The following NDST4 variants were observed in gnomAD, a reference collection of about 807,000 sequenced individuals.
The protein encoded by NDST4 is N-deacetylase and N-sulfotransferase 4, also known as N-heparan sulfate sulfotransferase 4.
In NDST4, 63 loss-of-function variants were observed where a neutral mutation model predicts 100.8. The ratio of observed to expected loss-of-function variants is 0.62; its 90% CI spans 0.51 to 0.77. The LOEUF is 0.77. NDST4 is among the 30% of genes least tolerant of loss of function. The probability of loss-of-function intolerance (pLI) is 0.00; values close to 1 mark genes in which losing one functional copy is unlikely to be tolerated. For missense variants in NDST4, 943 were observed against 1,018.4 expected (o/e 0.93, Z 1.01); for synonymous variants, 377 against 361.8 (o/e 1.04, Z -0.48).
At position 115,068,535 on chromosome 4, in the gene NDST4, G is replaced by C. The variant is rs536849791; in HGVS notation, c.978+7524C>G. On this transcript the variant is annotated intron_variant, in intron 2 of 13. Transcript: ENST00000264363. The stretch of plus-strand genomic sequence containing the variant: ...CAAAGTAAATCAGTTCTGGCTGGGT[G>C]CGGTGGCTCATGCCTGTAAACCCAG... Among the ~76,000 whole-genome samples the C allele has an allele frequency of 3.9e-5, 6 of 152,026 alleles. No individual in the cohort carries two copies. The South Asian group carries it at 1.2e-3, about 32-fold the overall frequency.
At chr4:114,859,476 T>C (rs1723870999) in intron 7 of NDST4, among the ~76,000 whole-genome samples, 1 of 152,172 alleles carries the variant, frequency 6.6e-6, no homozygotes, top group African/African-American at 2.4e-5. Flanking sequence ...ACATAACAAA[T>C]GAAACTGAGC....
At chr4:115,015,414 T>A (rs1007115458) in intron 2 of NDST4, among the ~76,000 whole-genome samples, 6 of 152,102 alleles carry the variant, frequency 3.9e-5, no homozygotes, top group Non-Finnish European at 7.4e-5. Context: ...TTCAAACATT[T>A]CATCTAGTTG....
intron 1 of NDST4, among the ~76,000 whole-genome samples, chr4:115,106,520 C>A (rs1729836557): frequency 6.6e-6 from 1 of 152,024 alleles, no homozygotes; most frequent in Non-Finnish European, 1.5e-5. Context: ...ACACATCCTC[C>A]TGTATACTCT....
At chr4:115,014,122 GC>G (rs1312479182) in intron 2 of NDST4, among the ~76,000 whole-genome samples, 2 of 152,012 alleles carry the variant, frequency 1.3e-5, no homozygotes, top group Non-Finnish European at 2.9e-5. Flanking sequence ...TCTGTCAAAT[GC>G]CTTTTACTTC....
intron 2 of NDST4, among the ~76,000 whole-genome samples, chr4:115,000,667 T>C (rs1220822993): frequency 6.6e-6 from 1 of 152,150 alleles, no homozygotes; most frequent in Non-Finnish European, 1.5e-5. Flanking sequence ...CTTACCCTTC[T>C]GCAAGAATTT....
chr4:114,953,247 C>G (rs890945032), intron 4 of NDST4, among the ~76,000 whole-genome samples: 1 of 151,888 alleles, frequency 6.6e-6, no homozygotes, highest in Non-Finnish European at 1.5e-5. Context: ...AGCCTAAGAA[C>G]CTTTCTCCAT....
In NDST4 at chr4:115,020,717, G is replaced by GA. The variant is rs531788588; in HGVS notation, c.979-43444dup. Reference sequence around the variant, plus strand: ...ACAATGAAGTCAAACAAATTAGCAAGAAAAAAACAAAAAATCCCTTAAAAA... The same window carrying GA: ...ACAATGAAGTCAAACAAATTAGCAAGAAAAAAAACAAAAAATCCCTTAAAAA... On this transcript the variant is annotated intron_variant, in intron 2 of 13. Transcript: ENST00000264363. 2.2e-3 allele frequency among the ~76,000 whole-genome samples: 339 copies of GA among 150,922 alleles called. 5 individuals are homozygous for GA. The highest frequency in any genetic ancestry group is 2.1e-4 in the Non-Finnish European group (14 of 67,804).
At chr4:114,952,453 C>T (rs1169753881) in intron 4 of NDST4, among the ~76,000 whole-genome samples, 1 of 152,060 alleles carries the variant, frequency 6.6e-6, no homozygotes, top group Non-Finnish European at 1.5e-5. Flanking sequence ...TAGAGATTTT[C>T]TGTCTAAGGA....
intron 2 of NDST4, among the ~76,000 whole-genome samples, chr4:115,064,024 G>C (rs1351407743): frequency 6.6e-6 from 1 of 151,890 alleles, no homozygotes; most frequent in East Asian, 1.9e-4. Context: ...CTTAACGTTA[G>C]TATTAGATCC....
chr4:115,036,938 G>T (rs924845271), intron 2 of NDST4, among the ~76,000 whole-genome samples: 1 of 151,918 alleles, frequency 6.6e-6, no homozygotes, highest in Non-Finnish European at 1.5e-5. Context: ...GCACAAGTTA[G>T]TTAAAATATT....
Position 115,076,400 on chromosome 4 carries a change from C to T in NDST4, c.637G>A (p.Gly213Ser), listed in dbSNP as rs1435209123. 1.2e-6 allele frequency: 2 copies of T among 1,613,810 alleles called. No individual in the cohort carries two copies. Among genetic ancestry groups the T allele is most frequent in the Non-Finnish European group, 1.7e-6 (2 of 1,179,970 alleles). ...HITKAPKVEK[G>S]PLPGEDWTIF... is the part of the protein sequence containing the mutation. ...GTCCAGTCTTCCCCAGGAAGAGGGCCTTTCTCAACCTTGGGGGCTTTGGTA... is the reference window on the plus strand; with the variant it reads ...GTCCAGTCTTCCCCAGGAAGAGGGCTTTTCTCAACCTTGGGGGCTTTGGTA... The change falls in exon 2 of 14, where the codon GGC (glycine) becomes AGC (serine). Residue 213 changes from glycine to serine, a missense_variant. Gly to Ser is a moderately conservative substitution (Grantham distance 56). Transcript: ENST00000264363.
intron 10 of NDST4, among the ~76,000 whole-genome samples, chr4:114,844,433 C>T (rs1346453359): frequency 1.3e-5 from 2 of 152,182 alleles, no homozygotes; most frequent in African/African-American, 2.4e-5. Context: ...CCACTAGCCA[C>T]GCGGAATTTC....
intron 2 of NDST4, among the ~76,000 whole-genome samples, chr4:115,032,604 T>C (rs888344880): frequency 1.3e-5 from 2 of 152,102 alleles, no homozygotes; most frequent in African/African-American, 4.8e-5. Context: ...AAAATTGTAT[T>C]AGATTATATA....
rs150599306 is a variant in NDST4, at chr4:114,940,680, G to T, written c.1222-3177C>A. Reference sequence around the variant, plus strand: ...GGTCAGGTGACAGCCTTTTGCACCCGCCCTCTTGGTACCCAAGTTCTTGTC... The same window carrying T: ...GGTCAGGTGACAGCCTTTTGCACCCTCCCTCTTGGTACCCAAGTTCTTGTC... On this transcript the variant is annotated intron_variant, in intron 4 of 13. Coordinates refer to ENST00000264363, the MANE Select transcript of NDST4 (RefSeq NM_022569.3). Among the ~76,000 whole-genome samples, 173 of 152,238 alleles carry T rather than the reference G, an allele frequency of 1.1e-3. 1 individual carries two copies. The highest frequency in any genetic ancestry group is 4.0e-3 in the African/African-American group (168 of 41,566).
At position 114,829,822 on chromosome 4, in the gene NDST4, T is replaced by A; in HGVS notation, c.2467A>T (p.Lys823Ter). ...GGKTKCLGKS[K>*]GRKYPPMDPE... Reference sequence around the variant, plus strand: ...TCCATAGGTGGATATTTTCGGCCTTTGCTTTTTCCAAGGCATTTTGTCTTT... The same window carrying A: ...TCCATAGGTGGATATTTTCGGCCTTAGCTTTTTCCAAGGCATTTTGTCTTT... Residue 823 changes from lysine (K) to a stop codon, truncating the protein, a stop_gained, in exon 13 of 14, where the codon AAA becomes TAA. Coordinates refer to ENST00000264363, the MANE Select transcript of NDST4 (RefSeq NM_022569.3). LOFTEE classifies it high-confidence loss of function. 1 of 1,611,742 alleles carries A rather than the reference T, an allele frequency of 6.2e-7. No homozygotes were observed. Among genetic ancestry groups the A allele is most frequent in the Non-Finnish European group, 8.5e-7 (1 of 1,179,406 alleles).
chr4:115,039,861 TCAA>T (rs1421388171), intron 2 of NDST4, among the ~76,000 whole-genome samples: 1 of 152,130 alleles, frequency 6.6e-6, no homozygotes, highest in East Asian at 1.9e-4. Context: ...TAAGAGTTTT[TCAA>T]CAACACTGAG....
chr4:114,859,348 C>A lies in NDST4; in HGVS notation c.1720-6527G>T, dbSNP rs76682848. ...TGGGAGAAAATAATCACTGATTTCACCTTTGGGACCAAAAGCAGCAATTGT... is the reference window on the plus strand; with the variant it reads ...TGGGAGAAAATAATCACTGATTTCAACTTTGGGACCAAAAGCAGCAATTGT... On this transcript the variant is annotated intron_variant, in intron 7 of 13. Transcript: ENST00000264363. 3.6e-4 allele frequency among the ~76,000 whole-genome samples: 55 copies of A among 152,302 alleles called. 1 individual carries two copies. The East Asian group carries it at 9.7e-3, about 27-fold the overall frequency.
chr4:114,870,390 A>T (rs973264166), intron 7 of NDST4, among the ~76,000 whole-genome samples: 2 of 152,152 alleles, frequency 1.3e-5, no homozygotes, highest in Non-Finnish European at 1.5e-5. Flanking sequence ...TAAATCTTAG[A>T]TTCCAGTGGC....
intron 1 of NDST4, among the ~76,000 whole-genome samples, chr4:115,107,986 C>A (rs956105822): frequency 2.0e-5 from 3 of 151,866 alleles, no homozygotes; most frequent in African/African-American, 7.3e-5. Flanking sequence ...TTATCAGGAA[C>A]CATAATACTT....
Sources: gnomAD v4.1 joint callset for allele counts (sites outside exome capture counted in the v4.1 genomes callset) on GRCh38, gnomAD v4.1.1 for gene constraint, MANE v1.5 for transcripts, NCBI Gene and HGNC (gene_info 2026-07-23, HGNC 2026-07-21) for gene names.